MAML3: variants seen among roughly 807,000 people sequenced by gnomAD.
MAML3 encodes mastermind-like protein 3.
A neutral mutation model predicts 101.9 loss-of-function variants in MAML3; 27 were observed. The ratio of observed to expected loss-of-function variants is 0.27; its 90% CI spans 0.20 to 0.37. MAML3 has a LOEUF of 0.37. Among genes scored for constraint, MAML3 ranks in the 10% least tolerant of loss-of-function variants. MAML3 has a pLI of 1.00. For missense variants in MAML3, 1,316 were observed against 1,444.9 expected, an observed-to-expected ratio of 0.91 and a Z score of 1.45; for synonymous variants, 501 against 555.9, an observed-to-expected ratio of 0.90 and a Z score of 1.39.
At chr4:139,815,455 A>G (rs1161597802) in intron 2 of MAML3, among the ~76,000 whole-genome samples, 2 of 152,214 alleles carry the variant, frequency 1.3e-5, no homozygotes, top group African/African-American at 2.4e-5. Flanking sequence ...CGTGAGAGGT[A>G]AAAGTTTCTA....
At chr4:139,971,000 C>T (rs1045986346) in intron 1 of MAML3, among the ~76,000 whole-genome samples, 1 of 152,190 alleles carries the variant, frequency 6.6e-6, no homozygotes, top group African/African-American at 2.4e-5. Flanking sequence ...CTACTGTTAA[C>T]TAGTTCTGTC....
intron 2 of MAML3, among the ~76,000 whole-genome samples, chr4:139,833,588 G>A (rs1731207835): frequency 6.6e-6 from 1 of 152,128 alleles, no homozygotes. Context: ...CCTAGTGGAA[G>A]GAATATGATG....
At chr4:139,951,777 A>G (rs185072429) in intron 1 of MAML3, among the ~76,000 whole-genome samples, 2 of 151,422 alleles carry the variant, frequency 1.3e-5, no homozygotes, top group Non-Finnish European at 2.9e-5. Flanking sequence ...TTTGGTAAGC[A>G]AAAAAAGATC....
chr4:140,031,851 TC>T (rs1726912601), intron 1 of MAML3, among the ~76,000 whole-genome samples: 1 of 152,186 alleles, frequency 6.6e-6, no homozygotes, highest in East Asian at 1.9e-4. Context: ...CTGAGAGTGA[TC>T]TCTCTGTACT....
intron 1 of MAML3, among the ~76,000 whole-genome samples, chr4:140,137,873 A>G (rs1305426774): frequency 6.6e-6 from 1 of 152,192 alleles, no homozygotes; most frequent in Non-Finnish European, 1.5e-5. Flanking sequence ...CAGTAACACA[A>G]ACAACCTGTG....
intron 1 of MAML3, among the ~76,000 whole-genome samples, chr4:139,968,684 C>A (rs1014643053): frequency 6.6e-6 from 1 of 152,188 alleles, no homozygotes; most frequent in Non-Finnish European, 1.5e-5. Context: ...GTCAAGTACT[C>A]TGCCACCTTG....
chr4:140,015,781 C>T (rs1236462889), intron 1 of MAML3, among the ~76,000 whole-genome samples: 1 of 152,146 alleles, frequency 6.6e-6, no homozygotes, highest in Non-Finnish European at 1.5e-5. Flanking sequence ...TGGTGAAATC[C>T]TGTCTCTACT....
intron 1 of MAML3, among the ~76,000 whole-genome samples, chr4:140,121,612 A>G (rs1374127046): frequency 6.6e-6 from 1 of 152,266 alleles, no homozygotes; most frequent in Non-Finnish European, 1.5e-5. Context: ...TTTTACAGAC[A>G]TACTTTGTTA....
intron 1 of MAML3, among the ~76,000 whole-genome samples, chr4:140,103,019 C>T (rs1218469214): frequency 1.3e-5 from 2 of 152,136 alleles, no homozygotes; most frequent in Non-Finnish European, 2.9e-5. Context: ...CTCCCCTCAC[C>T]GTCCCCATAA....
chr4:139,805,900 G>A (rs2111107435), intron 2 of MAML3, among the ~76,000 whole-genome samples: 1 of 152,174 alleles, frequency 6.6e-6, no homozygotes, highest in East Asian at 1.9e-4. Context: ...TAGTCCAGAA[G>A]GAGATCTTAA....
chr4:139,839,069 G>A (rs2111142776), intron 2 of MAML3, among the ~76,000 whole-genome samples: 1 of 152,328 alleles, frequency 6.6e-6, no homozygotes, highest in Non-Finnish European at 1.5e-5. Context: ...TCTTAAGAGA[G>A]CTGACTGCTT....
intron 1 of MAML3, among the ~76,000 whole-genome samples, chr4:140,036,965 A>T (rs17005477): frequency 0.013 from 1,935 of 152,260 alleles, 17 homozygotes; most frequent in Non-Finnish European, 0.02. Context: ...CAATACTGAA[A>T]CTTGCTTCAA....
rs544766157 is a variant in MAML3 at position 139,871,681 on chromosome 4, C to A, written c.2079+17676G>T. 2.0e-5 allele frequency among the ~76,000 whole-genome samples: 3 copies of A among 152,354 alleles called. No homozygotes were observed. In the East Asian group the frequency reaches 5.8e-4, roughly 29 times the overall value. ...AGGGGCTTCCACACTCCCCTGGGTC[C>A]TCCTCCCTGAGCTGTGTCTTCCTCA... On this transcript the variant is annotated intron_variant, in intron 2 of 4. Coordinates refer to ENST00000509479, the MANE Select transcript of MAML3 (RefSeq NM_018717.5).
chr4:139,796,805 T>A, intron 2 of MAML3, among the ~76,000 whole-genome samples: 1 of 152,156 alleles, frequency 6.6e-6, no homozygotes, highest in East Asian at 1.9e-4. Context: ...AGAGAAATGA[T>A]AGTCACCAAA....
intron 1 of MAML3, among the ~76,000 whole-genome samples, chr4:140,056,930 A>G (rs1294367317): frequency 6.6e-6 from 1 of 152,224 alleles, no homozygotes; most frequent in Admixed American, 6.5e-5. Context: ...AGCCAGGAAC[A>G]TTAATGGATT....
intron 2 of MAML3, among the ~76,000 whole-genome samples, chr4:139,781,508 C>CATATATATATATATATATATGTATATAT (rs1730212350): frequency 7.3e-6 from 1 of 137,034 alleles, no homozygotes; most frequent in Non-Finnish European, 1.6e-5. Context: ...AGAGCATTTT[C>CATATATATATATATATATATGTATATAT]ATATATATAT....
chr4:139,741,091 C>G (rs1049422802), intron 2 of MAML3, among the ~76,000 whole-genome samples: 5 of 152,174 alleles, frequency 3.3e-5, no homozygotes, highest in African/African-American at 9.7e-5. Context: ...GGCCCCCATT[C>G]CTATGAGTAG....
chr4:139,795,167 A>C (rs1730489856), intron 2 of MAML3, among the ~76,000 whole-genome samples: 1 of 152,198 alleles, frequency 6.6e-6, no homozygotes, highest in Non-Finnish European at 1.5e-5. Context: ...AAGGCTGAAA[A>C]ACTGTCTAAC....
intron 2 of MAML3, among the ~76,000 whole-genome samples, chr4:139,846,970 T>A (rs1392342624): frequency 6.6e-6 from 1 of 152,134 alleles, no homozygotes; most frequent in African/African-American, 2.4e-5. Flanking sequence ...TCCCACATCA[T>A]TCAGTAAGAT....
Sources: gnomAD v4.1 joint callset for allele counts (sites outside exome capture counted in the v4.1 genomes callset) on GRCh38, gnomAD v4.1.1 for gene constraint, MANE v1.5 for transcripts, NCBI Gene and HGNC (gene_info 2026-07-23, HGNC 2026-07-21) for gene names.